The following SLC22A3 variants were observed in gnomAD, a reference collection of about 807,000 sequenced individuals.
The protein encoded by SLC22A3 is EMT organic cation transporter 3.
SLC22A3 carries 51 observed loss-of-function variants against 59.1 expected under a neutral mutation model. The observed-to-expected ratio is 0.86, with a 90% CI of 0.69 to 1.09. The LOEUF is 1.09. Among genes scored for constraint, SLC22A3 ranks in the 50% least tolerant of loss-of-function variants. The pLI is 0.00. For missense variants in SLC22A3, 711 were observed against 726.3 expected (o/e 0.98, Z 0.24); for synonymous variants, 325 against 292.0 (o/e 1.11, Z -1.15).
intron 1 of SLC22A3, among the ~76,000 whole-genome samples, chr6:160,356,069 C>T (rs73589267): frequency 0.06 from 9,098 of 152,276 alleles, 813 homozygotes; most frequent in African/African-American, 0.2. Flanking sequence ...TTCCTTGGCA[C>T]GTGTAATGCT....
At chr6:160,445,371 G>GCA (rs1408426431) in intron 9 of SLC22A3, among the ~76,000 whole-genome samples, 1 of 152,196 alleles carries the variant, frequency 6.6e-6, no homozygotes, top group East Asian at 1.9e-4. Flanking sequence ...TGGTGCCAGG[G>GCA]CAGGGCAGGG....
At chr6:160,423,192 T>C (rs1453203204) in intron 5 of SLC22A3, among the ~76,000 whole-genome samples, 2 of 152,242 alleles carry the variant, frequency 1.3e-5, no homozygotes, top group Non-Finnish European at 2.9e-5. Flanking sequence ...TAGTATTCCA[T>C]GGTGTACATG....
At chr6:160,426,324 T>C (rs1787951058) in intron 5 of SLC22A3, 29 of 985,252 alleles carry the variant, frequency 2.9e-5, no homozygotes, top group Non-Finnish European at 3.5e-5. Context: ...TTGTGGTTCT[T>C]GTGGTTTTGG....
chr6:160,348,963 G>C (rs1225119488), intron 1 of SLC22A3, 115 bp downstream of exon 1: 1 of 1,524,860 alleles, frequency 6.6e-7, no homozygotes, highest in African/African-American at 1.4e-5. Context: ...GACGGGGACC[G>C]GTCGGCTACC....
At chr6:160,349,813 A>G (rs1784601242) in intron 1 of SLC22A3, among the ~76,000 whole-genome samples, 4 of 152,238 alleles carry the variant, frequency 2.6e-5, no homozygotes, top group African/African-American at 4.8e-5. Flanking sequence ...TTTGTCTACA[A>G]TCACAGCTTA....
At chr6:160,434,521 TTAAAA>T (rs1352537138) in intron 5 of SLC22A3, among the ~76,000 whole-genome samples, 6 of 152,242 alleles carry the variant, frequency 3.9e-5, no homozygotes, top group African/African-American at 7.2e-5. Flanking sequence ...TTGATGAGAC[TTAAAA>T]TAATCCACGT....
chr6:160,413,476 T>C (rs1787340723), intron 5 of SLC22A3, among the ~76,000 whole-genome samples: 1 of 152,232 alleles, frequency 6.6e-6, no homozygotes, highest in South Asian at 2.1e-4. Context: ...TGATCAATCT[T>C]AGTTTTTCTA....
intron 1 of SLC22A3, among the ~76,000 whole-genome samples, chr6:160,350,488 C>T (rs536083221): frequency 6.6e-6 from 1 of 152,272 alleles, no homozygotes; most frequent in African/African-American, 2.4e-5. Context: ...TGAGAGAGGG[C>T]ATTATCTCTG....
intron 3 of SLC22A3, among the ~76,000 whole-genome samples, chr6:160,408,249 A>G (rs1352899597): frequency 6.6e-6 from 1 of 152,196 alleles, no homozygotes; most frequent in Non-Finnish European, 1.5e-5. Flanking sequence ...AAAGTATAAC[A>G]CTGTGGAGAG....
At chr6:160,393,202 A>T (rs1038395466) in intron 1 of SLC22A3, among the ~76,000 whole-genome samples, 3 of 151,940 alleles carry the variant, frequency 2.0e-5, no homozygotes, top group Admixed American at 2.0e-4. Context: ...AATCCAGCTG[A>T]TGGTCACCTG....
chr6:160,425,887 T>C (rs1175944538), intron 5 of SLC22A3: 2 of 985,422 alleles, frequency 2.0e-6, no homozygotes, highest in African/African-American at 1.7e-5. Flanking sequence ...CCATGAGACA[T>C]AACATGCTTC....
chr6:160,395,792 A>G (rs540132490), intron 1 of SLC22A3, among the ~76,000 whole-genome samples: 4 of 152,322 alleles, frequency 2.6e-5, no homozygotes, highest in African/African-American at 7.2e-5. Flanking sequence ...TTTTCCAACT[A>G]TGTTAGGTGA....
intron 9 of SLC22A3, among the ~76,000 whole-genome samples, chr6:160,447,256 A>G (rs984546642): frequency 6.6e-6 from 1 of 152,154 alleles, no homozygotes; most frequent in African/African-American, 2.4e-5. Context: ...GAGCCCAAAG[A>G]GACAGGCCTA....
chr6:160,350,176 G>A (rs1313941835), intron 1 of SLC22A3, among the ~76,000 whole-genome samples: 1 of 152,088 alleles, frequency 6.6e-6, no homozygotes, highest in Non-Finnish European at 1.5e-5. Flanking sequence ...TGCTGTGTTC[G>A]CACAGTGGAT....
rs552296466 is a variant in SLC22A3, at chr6:160,362,548, G to A, written c.429+13700G>A. ...TAGTGTCTCCATGTGAGTTTCCAGG[G>A]AAGCAGAGGCTGAAGCGAGGGCGTG... is the stretch of plus-strand genomic sequence containing the variant. On this transcript the variant is annotated intron_variant, in intron 1 of 10. Coordinates refer to ENST00000275300, the MANE Select transcript of SLC22A3 (RefSeq NM_021977.4). 3.9e-5 allele frequency among the ~76,000 whole-genome samples: 6 copies of A among 152,332 alleles called. No individual in the cohort carries two copies. In the East Asian group the frequency reaches 1.2e-3, roughly 29 times the overall value.
At chr6:160,414,121 T>C (rs1251985599) in intron 5 of SLC22A3, among the ~76,000 whole-genome samples, 1 of 152,240 alleles carries the variant, frequency 6.6e-6, no homozygotes, top group East Asian at 1.9e-4. Context: ...AAGTTTAATA[T>C]TTCTGGCAAG....
chr6:160,402,789 A>G (rs1786837332), intron 2 of SLC22A3, among the ~76,000 whole-genome samples: 1 of 151,818 alleles, frequency 6.6e-6, no homozygotes, highest in Admixed American at 6.6e-5. Context: ...CAACACATCT[A>G]TAGTAACACA....
At chr6:160,384,809 AT>A (rs1785935039) in intron 1 of SLC22A3, among the ~76,000 whole-genome samples, 1 of 152,094 alleles carries the variant, frequency 6.6e-6, no homozygotes, top group Non-Finnish European at 1.5e-5. Context: ...CCATCTCCAC[AT>A]GATGGACTTT....
intron 1 of SLC22A3, among the ~76,000 whole-genome samples, chr6:160,390,091 C>CT (rs1021646109): frequency 6.6e-6 from 1 of 152,286 alleles, no homozygotes; most frequent in African/African-American, 2.4e-5. Flanking sequence ...ATAATGTATA[C>CT]TTTTTTAAAC....
Sources: allele counts gnomAD v4.1 joint callset (sites outside exome capture counted in the v4.1 genomes callset), GRCh38; gene constraint gnomAD v4.1.1; transcripts MANE v1.5; gene names NCBI Gene and HGNC (gene_info 2026-07-23, HGNC 2026-07-21).